The following RABGAP1L variants were observed in gnomAD, a reference collection of about 807,000 sequenced individuals.
The protein encoded by RABGAP1L is rab GTPase-activating protein 1-like.
Under a neutral mutation model 137.7 loss-of-function variants are expected in RABGAP1L, and 63 were observed. The observed-to-expected ratio is 0.46, with a 90% CI of 0.37 to 0.56. The LOEUF is 0.56. Among genes scored for constraint, RABGAP1L ranks in the 20% least tolerant of loss-of-function variants. The probability of loss-of-function intolerance (pLI) is 0.00; values close to 1 mark genes in which losing one functional copy is unlikely to be tolerated. For missense variants in RABGAP1L, 1,095 were observed against 1,244.0 expected (o/e 0.88, Z 1.80); for synonymous variants, 431 against 433.7 (o/e 0.99, Z 0.08).
At chr1:174,238,526 A>T (rs559853016) in intron 4 of RABGAP1L, among the ~76,000 whole-genome samples, 14 of 152,048 alleles carry the variant, frequency 9.2e-5, no homozygotes, top group South Asian at 2.1e-4. Flanking sequence ...AATACCCTGC[A>T]GTGTGAGGTG....
At chr1:174,707,646 T>A (rs1285765087) in intron 17 of RABGAP1L, among the ~76,000 whole-genome samples, 3 of 152,214 alleles carry the variant, frequency 2.0e-5, no homozygotes, top group African/African-American at 7.2e-5. Context: ...GATTATGATA[T>A]CAAGTACTTA....
chr1:174,535,691 T>C (rs991808519), intron 13 of RABGAP1L, among the ~76,000 whole-genome samples: 2 of 152,202 alleles, frequency 1.3e-5, no homozygotes, highest in African/African-American at 4.8e-5. Flanking sequence ...TAATTAGTTT[T>C]ATAAAACATT....
intron 18 of RABGAP1L, among the ~76,000 whole-genome samples, chr1:174,776,138 G>C (rs1262472130): frequency 6.6e-6 from 1 of 152,150 alleles, no homozygotes; most frequent in Non-Finnish European, 1.5e-5. Flanking sequence ...GGGAGGCCAA[G>C]GCAGGCAGAT....
intron 18 of RABGAP1L, among the ~76,000 whole-genome samples, chr1:174,776,843 T>C (rs1325121760): frequency 1.3e-5 from 2 of 152,230 alleles, no homozygotes; most frequent in African/African-American, 4.8e-5. Context: ...AGGAAAAATG[T>C]AGAGCCTTTT....
chr1:174,590,325 TG>T (rs1170711894), intron 13 of RABGAP1L, among the ~76,000 whole-genome samples: 53 of 146,904 alleles, frequency 3.6e-4, no homozygotes, highest in African/African-American at 8.8e-4. Flanking sequence ...GATGCTGTAT[TG>T]TTTTTTTTTC....
At chr1:174,281,453 G>A (rs1675537168) in intron 10 of RABGAP1L, among the ~76,000 whole-genome samples, 1 of 152,178 alleles carries the variant, frequency 6.6e-6, no homozygotes, top group Non-Finnish European at 1.5e-5. Flanking sequence ...CCTTTAGCTA[G>A]ACAGAGTGCT....
chr1:174,690,542 TTAA>T (rs1053753722), intron 15 of RABGAP1L, among the ~76,000 whole-genome samples: 2 of 152,220 alleles, frequency 1.3e-5, no homozygotes, highest in African/African-American at 4.8e-5. Context: ...ATTTTTTAAA[TTAA>T]TAATTATTTG....
At chr1:174,853,207 TG>T in intron 19 of RABGAP1L, among the ~76,000 whole-genome samples, 1 of 147,144 alleles carries the variant, frequency 6.8e-6, no homozygotes, top group South Asian at 2.1e-4. Context: ...GAATGCCACT[TG>T]AAAGAAAGGA....
intron 13 of RABGAP1L, among the ~76,000 whole-genome samples, chr1:174,443,110 C>T (rs1452851819): frequency 2.6e-5 from 4 of 151,782 alleles, no homozygotes; most frequent in African/African-American, 4.8e-5. Context: ...TTTTCCCCAC[C>T]TGTTCATGTC....
At position 174,706,888 on chromosome 1, in the gene RABGAP1L, T is replaced by C. The variant is rs138393872; in HGVS notation, c.2169+4632T>C. Among the ~76,000 whole-genome samples the C allele has an allele frequency of 4.5e-3, 691 of 152,344 alleles. 2 individuals carry two copies. Among genetic ancestry groups the C allele is most frequent in the Non-Finnish European group, 7.8e-3 (530 of 68,012 alleles). ...TTAGTCATCATTATGTTTGTGAGAT[T>C]CATCCGTATCATTGCATTTAGGCAT... On this transcript the variant is annotated intron_variant, in intron 17 of 25. Coordinates refer to ENST00000681986, the MANE Select transcript of RABGAP1L (RefSeq NM_001366446.1).
intron 13 of RABGAP1L, among the ~76,000 whole-genome samples, chr1:174,461,634 C>G (rs1199762629): frequency 6.6e-6 from 1 of 152,152 alleles, no homozygotes; most frequent in Non-Finnish European, 1.5e-5. Flanking sequence ...GTTCTTGGGT[C>G]TCTTCCAGTA....
intron 19 of RABGAP1L, among the ~76,000 whole-genome samples, chr1:174,888,039 A>C (rs976518876): frequency 2.0e-5 from 3 of 152,174 alleles, no homozygotes; most frequent in Admixed American, 2.0e-4. Context: ...TTCATATCAA[A>C]AGAAAAAAAA....
intron 11 of RABGAP1L, among the ~76,000 whole-genome samples, chr1:174,328,009 A>ATATATATATATATATG (rs1558136471): frequency 3.3e-4 from 43 of 128,866 alleles, no homozygotes; most frequent in African/African-American, 1.3e-3. Context: ...ATATATATAT[A>ATATATATATATATATG]TATATATATA....
At chr1:174,474,125 G>C (rs1658240426) in intron 13 of RABGAP1L, among the ~76,000 whole-genome samples, 1 of 152,032 alleles carries the variant, frequency 6.6e-6, no homozygotes, top group Non-Finnish European at 1.5e-5. Flanking sequence ...TGTAATCCTA[G>C]TATATAGTAG....
At chr1:174,445,031 T>C (rs1248987353) in intron 13 of RABGAP1L, among the ~76,000 whole-genome samples, 1 of 152,112 alleles carries the variant, frequency 6.6e-6, no homozygotes, top group African/African-American at 2.4e-5. Context: ...AAAATGATAA[T>C]GATGATACCT....
In RABGAP1L at chr1:174,617,903, G is replaced by A. The variant is rs148099174; in HGVS notation, c.1711-19472G>A. ...AGTGGGTGCAGCTAGTCAAAGAAAG[G>A]GGTGACATATGGCACCTGGAAAATC... On this transcript the variant is annotated intron_variant, in intron 13 of 25. Transcript: ENST00000681986. Among the ~76,000 whole-genome samples, 578 of 152,312 alleles carry A rather than the reference G, an allele frequency of 3.8e-3. 4 individuals carry two copies. The highest frequency in any genetic ancestry group is 6.9e-3 in the Non-Finnish European group (471 of 68,018).
At chr1:174,548,251 T>G in intron 13 of RABGAP1L, 1 of 1,396,522 alleles carries the variant, frequency 7.2e-7, no homozygotes, top group Non-Finnish European at 9.3e-7. Flanking sequence ...TAATCTAAGA[T>G]TCTGTTTTTA....
intron 19 of RABGAP1L, among the ~76,000 whole-genome samples, chr1:174,918,279 A>C (rs905733593): frequency 3.3e-5 from 5 of 152,190 alleles, no homozygotes; most frequent in African/African-American, 1.2e-4. Flanking sequence ...TAGTTTCTAC[A>C]GTCTCCTTTG....
intron 11 of RABGAP1L, among the ~76,000 whole-genome samples, chr1:174,369,979 C>G (rs1684969426): frequency 6.6e-6 from 1 of 152,118 alleles, no homozygotes; most frequent in Non-Finnish European, 1.5e-5. Flanking sequence ...TTTAACCTGG[C>G]CAAATAAACC....
Sources: gnomAD v4.1 joint callset for allele counts (sites outside exome capture counted in the v4.1 genomes callset) on GRCh38, gnomAD v4.1.1 for gene constraint, MANE v1.5 for transcripts, NCBI Gene and HGNC (gene_info 2026-07-23, HGNC 2026-07-21) for gene names.